The following MMS19 variants were observed in gnomAD, a reference collection of about 807,000 sequenced individuals.
The protein encoded by MMS19 is MMS19 cytosolic iron-sulfur assembly component.
A neutral mutation model predicts 129.8 loss-of-function variants in MMS19; 77 were observed. That is an observed-to-expected ratio of 0.59 (90% CI 0.49 to 0.72). The LOEUF (loss-of-function observed/expected upper bound fraction) is 0.72. Ranked by LOEUF, MMS19 falls within the 30% of genes least tolerant of loss-of-function variation. MMS19 has a pLI of 0.00. For synonymous variants in MMS19, 491 were observed against 502.8 expected (o/e 0.98, Z 0.31); for missense variants, 1,168 against 1,266.3 (o/e 0.92, Z 1.18).
intron 1 of MMS19, among the ~76,000 whole-genome samples, chr10:97,493,350 G>A (rs529891057): frequency 6.6e-6 from 1 of 152,198 alleles, no homozygotes; most frequent in African/African-American, 2.4e-5. Context: ...GCTGAGGCTA[G>A]AGGATCGCTA....
chr10:97,481,835 A>T (rs1476257743), intron 2 of MMS19, among the ~76,000 whole-genome samples: 2 of 152,196 alleles, frequency 1.3e-5, no homozygotes, highest in Admixed American at 1.3e-4. Flanking sequence ...TCTTAACAGG[A>T]TCCCCAGGAT....
rs370806248 is a variant in MMS19, at chr10:97,471,451, T to A, written c.685-590A>T. On this transcript the variant is annotated intron_variant, in intron 8 of 30. Transcript: ENST00000438925. The stretch of plus-strand genomic sequence containing the variant: ...GACAGACTGAAAACATATATCAGGT[T>A]TTCCTTTTCCTCTTTGCAAACTCCA... Among the ~76,000 whole-genome samples the A allele has an allele frequency of 7.2e-5, 11 of 152,192 alleles. 1 individual carries two copies. The East Asian group carries it at 2.1e-3, about 29-fold the overall frequency.
chr10:97,488,132 A>G (rs1425192643), intron 1 of MMS19, among the ~76,000 whole-genome samples: 1 of 152,148 alleles, frequency 6.6e-6, no homozygotes, highest in Non-Finnish European at 1.5e-5. Flanking sequence ...AATGGGCAAA[A>G]ACAAAAAAAT....
intron 8 of MMS19, among the ~76,000 whole-genome samples, chr10:97,472,403 A>T (rs2034910863): frequency 6.6e-6 from 1 of 151,894 alleles, no homozygotes; most frequent in Non-Finnish European, 1.5e-5. Flanking sequence ...ATGCCCGGCT[A>T]ATTTTTTTGT....
At chr10:97,488,550 T>A (rs1246679682) in intron 1 of MMS19, among the ~76,000 whole-genome samples, 4 of 152,238 alleles carry the variant, frequency 2.6e-5, no homozygotes, top group African/African-American at 7.2e-5. Flanking sequence ...GTAAGAGTAT[T>A]TGCATACAAA....
At chr10:97,484,365 T>G (rs1200210215) in intron 1 of MMS19, among the ~76,000 whole-genome samples, 1 of 152,036 alleles carries the variant, frequency 6.6e-6, no homozygotes, top group Non-Finnish European at 1.5e-5. Flanking sequence ...AAATATATCA[T>G]TTGTGAATGA....
At chr10:97,471,891 G>A (rs1002342509) in intron 8 of MMS19, among the ~76,000 whole-genome samples, 1 of 152,072 alleles carries the variant, frequency 6.6e-6, no homozygotes, top group East Asian at 1.9e-4. Context: ...AAAGACAGAG[G>A]TACAAAATAG....
chr10:97,463,159 AAC>A (rs1347715611), intron 19 of MMS19, among the ~76,000 whole-genome samples: 1 of 149,702 alleles, frequency 6.7e-6, no homozygotes. Context: ...TACCCTGTGA[AAC>A]AGTTTTTTTT....
Position 97,466,093 on chromosome 10 carries a change from G to A in MMS19, c.1572C>T (p.His524=), listed in dbSNP as rs753537113. 1 of 1,610,010 alleles carries A rather than the reference G, an allele frequency of 6.2e-7. No individual in the cohort carries two copies. Among genetic ancestry groups the A allele is most frequent in the Non-Finnish European group, 8.5e-7 (1 of 1,177,924 alleles). ...GCTCCTCAGCGAGCTTGGGTACGAG[G>A]TGGCTGCTGAAGGCCACAGGGTAGA... ...AALYPVAFSS[H]LVPKLAEELR... Residue 524 remains histidine (H), a synonymous_variant, in exon 17 of 31, where the codon CAC becomes CAT. Transcript: ENST00000438925.
Position 97,469,740 on chromosome 10 carries a change from T to G in MMS19, c.847-17A>C. ...GCAAGCATTCTGCCAAGGAAACCGCTGCTATCAGTTATGTACACACTCAGA... is the reference window on the plus strand; with the variant it reads ...GCAAGCATTCTGCCAAGGAAACCGCGGCTATCAGTTATGTACACACTCAGA... On this transcript the variant is annotated splice_polypyrimidine_tract_variant and intron_variant, in intron 10 of 30. Transcript: ENST00000438925. 3 of 1,611,624 alleles carry G rather than the reference T, an allele frequency of 1.9e-6. No homozygotes were observed. Among genetic ancestry groups the G allele is most frequent in the Non-Finnish European group, 2.5e-6 (3 of 1,178,038 alleles).
chr10:97,491,994 C>T (rs377006023), intron 1 of MMS19, among the ~76,000 whole-genome samples: 5 of 151,198 alleles, frequency 3.3e-5, no homozygotes, highest in Admixed American at 6.6e-5. Flanking sequence ...AAAAACTAGC[C>T]GGGTGTGGTA....
intron 1 of MMS19, among the ~76,000 whole-genome samples, chr10:97,487,547 C>T (rs539394240): frequency 6.6e-6 from 1 of 152,182 alleles, no homozygotes; most frequent in East Asian, 1.9e-4. Flanking sequence ...TCTCGATCTC[C>T]TGACCTCATG....
intron 1 of MMS19, among the ~76,000 whole-genome samples, chr10:97,487,009 C>CA (rs887008146): frequency 6.8e-5 from 10 of 148,106 alleles, no homozygotes; most frequent in South Asian, 2.1e-4. Context: ...ACACTTTCAA[C>CA]AAAAAAAAGA....
Position 97,459,506 on chromosome 10 carries a change from C to T in MMS19, c.2760G>A (p.Glu920=). The T allele has an allele frequency of 1.2e-6, 2 of 1,612,974 alleles. No homozygotes were observed. Among genetic ancestry groups the T allele is most frequent in the South Asian group, 1.1e-5 (1 of 90,902 alleles). Residue 920 remains glutamate, a synonymous_variant, in exon 28 of 31, where the codon GAG becomes GAA. Coordinates refer to ENST00000438925, the MANE Select transcript of MMS19 (RefSeq NM_022362.5). ...ELPTLLSLLL[E]ALSCPDCVVQ... is the part of the protein sequence containing the mutation. ...CCACACAGTCAGGGCAGGACAGGGC[C>T]TCCAGCAGCAAGGAAAGAAGCTAAG...
intron 3 of MMS19, among the ~76,000 whole-genome samples, chr10:97,480,584 T>C (rs928228895): frequency 6.6e-6 from 1 of 152,114 alleles, no homozygotes; most frequent in Non-Finnish European, 1.5e-5. Flanking sequence ...TTGAAATCCA[T>C]GTGTCTTTCT....
At chr10:97,486,178 T>G (rs1002699171) in intron 1 of MMS19, among the ~76,000 whole-genome samples, 1 of 151,690 alleles carries the variant, frequency 6.6e-6, no homozygotes, top group African/African-American at 2.4e-5. Flanking sequence ...CCACTTGGTG[T>G]TTTTTGTTTG....
intron 18 of MMS19, among the ~76,000 whole-genome samples, chr10:97,464,347 A>C (rs902303488): frequency 1.3e-5 from 2 of 152,238 alleles, no homozygotes; most frequent in Non-Finnish European, 1.5e-5. Flanking sequence ...TTCCAGGGTC[A>C]CAGGAAGTGC....
In MMS19 at chr10:97,462,053, A is replaced by T; in HGVS notation, c.2079T>A (p.Pro693=). ...LFLDGNVSFL[P]ENSFPSRFQP... is the part of the protein sequence containing the mutation. ...GGAATCTGCTCGGGAAGCTGTTTTC[A>T]GGCAGAAAGGACACGTTGCCATCCA... is the stretch of plus-strand genomic sequence containing the variant. The change falls in exon 21 of 31, where the codon CCT becomes CCA. Residue 693 remains proline (P), a synonymous_variant. Transcript: ENST00000438925. 1.3e-6 allele frequency: 2 copies of T among 1,593,638 alleles called. No homozygotes were observed. Among genetic ancestry groups the T allele is most frequent in the East Asian group, 2.3e-5 (1 of 44,056 alleles).
chr10:97,459,309 A>G, intron 28 of MMS19, 27 bp from the exon 29 acceptor site: 1 of 1,612,910 alleles, frequency 6.2e-7, no homozygotes, highest in Non-Finnish European at 8.5e-7. Flanking sequence ...AGGAGGTGAG[A>G]GCATGCCCAG....
Sources: allele counts gnomAD v4.1 joint callset (sites outside exome capture counted in the v4.1 genomes callset), GRCh38; gene constraint gnomAD v4.1.1; transcripts MANE v1.5; gene names NCBI Gene and HGNC (gene_info 2026-07-23, HGNC 2026-07-21).